Variants in GDPD4 observed in about 807,000 individuals in gnomAD.
The protein encoded by GDPD4 is glycerophosphodiester phosphodiesterase domain containing 4, also known as glycerophosphodiester phosphodiesterase 6.
Under a neutral mutation model 67.8 loss-of-function variants are expected in GDPD4, and 60 were observed. The observed-to-expected ratio is 0.88, with a 90% confidence interval of 0.72 to 1.10. GDPD4 has a LOEUF of 1.10. GDPD4 is among the 50% of genes least tolerant of loss of function. GDPD4 has a pLI of 0.00. For missense variants in GDPD4, 623 were observed against 613.9 expected, an observed-to-expected ratio of 1.01 and a Z score of -0.16; for synonymous variants, 212 against 210.9, an observed-to-expected ratio of 1.00 and a Z score of -0.04.
chr11:77,266,300 T>C lies in GDPD4; in HGVS notation c.707+2157A>G, dbSNP rs537284322. Among the ~76,000 whole-genome samples, 247 of 152,288 alleles carry C rather than the reference T, an allele frequency of 1.6e-3. 1 individual carries two copies. Among genetic ancestry groups the C allele is most frequent in the Non-Finnish European group, 1.8e-3 (122 of 68,016 alleles). On this transcript the variant is annotated intron_variant, in intron 10 of 16. Transcript: ENST00000315938. ...GATTATAATGGAGCTGAAAATTTCCTATCACCTAGTGACTTCGTAGCCGTA... is the reference window on the plus strand; with the variant it reads ...GATTATAATGGAGCTGAAAATTTCCCATCACCTAGTGACTTCGTAGCCGTA...
chr11:77,229,315 C>A, intron 14 of GDPD4, 83 bp from the exon 15 acceptor site: 1 of 784,746 alleles, frequency 1.3e-6, no homozygotes, highest in East Asian at 2.6e-5. Flanking sequence ...TGCTCTGCTG[C>A]CAGGGCTGGA....
intron 1 of GDPD4, among the ~76,000 whole-genome samples, chr11:77,298,786 G>A (rs1359651776): frequency 1.3e-5 from 2 of 151,984 alleles, no homozygotes; most frequent in African/African-American, 2.4e-5. Context: ...ACAGCTTTGA[G>A]GGCCATTTCA....
At chr11:77,225,804 G>GCACT (rs1958323709) in intron 16 of GDPD4, among the ~76,000 whole-genome samples, 2 of 152,158 alleles carry the variant, frequency 1.3e-5, no homozygotes, top group South Asian at 4.1e-4. Flanking sequence ...GCAACACATG[G>GCACT]CACTCCGTAT....
chr11:77,220,612 T>C (rs1434107565), intron 16 of GDPD4, among the ~76,000 whole-genome samples: 2 of 152,192 alleles, frequency 1.3e-5, no homozygotes, highest in South Asian at 2.1e-4. Flanking sequence ...TTTGCCAGTA[T>C]TTTATTGAGG....
At chr11:77,276,914 T>C (rs933537398) in intron 4 of GDPD4, among the ~76,000 whole-genome samples, 3 of 152,004 alleles carry the variant, frequency 2.0e-5, no homozygotes, top group African/African-American at 7.2e-5. Flanking sequence ...TCATTCTTAT[T>C]TGAAAAAAAA....
chr11:77,262,639 C>G (rs916946613), intron 10 of GDPD4, among the ~76,000 whole-genome samples: 8 of 151,924 alleles, frequency 5.3e-5, no homozygotes, highest in African/African-American at 1.7e-4. Flanking sequence ...GTTTGAGGAC[C>G]CCCACAGAGG....
chr11:77,243,453 C>T (rs1029750990), intron 13 of GDPD4, among the ~76,000 whole-genome samples: 17 of 138,664 alleles, frequency 1.2e-4, no homozygotes, highest in African/African-American at 3.8e-4. Flanking sequence ...GATTAGAGTA[C>T]ACAGCAGAGG....
chr11:77,248,205 CTTTT>C (rs974874400), intron 11 of GDPD4, among the ~76,000 whole-genome samples: 1 of 140,854 alleles, frequency 7.1e-6, no homozygotes, highest in Admixed American at 7.1e-5. Flanking sequence ...ATTTTCTTTT[CTTTT>C]TTTTTTTTTT....
At chr11:77,267,701 ATCCTAGACACAAG>A (rs1959184650) in intron 10 of GDPD4, among the ~76,000 whole-genome samples, 1 of 152,216 alleles carries the variant, frequency 6.6e-6, no homozygotes, top group Admixed American at 6.5e-5. Flanking sequence ...AAGTTTATAT[ATCCTAGACACAAG>A]TCTTTTGCCA....
intron 3 of GDPD4, among the ~76,000 whole-genome samples, chr11:77,283,673 T>C (rs1959859251): frequency 6.6e-6 from 1 of 151,862 alleles, no homozygotes. Flanking sequence ...GAAAATAAAT[T>C]TTAAAAGAAA....
intron 13 of GDPD4, among the ~76,000 whole-genome samples, chr11:77,239,497 T>C (rs1045607657): frequency 6.6e-5 from 10 of 152,200 alleles, no homozygotes; most frequent in African/African-American, 2.4e-4. Flanking sequence ...AGTTGCAGGA[T>C]ACAAAATCAA....
rs750581350 is a variant in GDPD4 at position 77,245,267 on chromosome 11, T to C, written c.1086+14A>G. ...ACCTCCCAACCTATGTCATAAATAC[T>C]GAGATAGACTTACCAGATGTTGCTC... On this transcript the variant is annotated intron_variant, in intron 12 of 16. Transcript: ENST00000315938. 1 of 1,603,092 alleles carries C rather than the reference T, an allele frequency of 6.2e-7. No individual in the cohort carries two copies. The highest frequency in any genetic ancestry group is 1.7e-5 in the Admixed American group (1 of 60,002).
intron 13 of GDPD4, among the ~76,000 whole-genome samples, chr11:77,235,009 G>GTTTTTTTTTATTTTTTTTTTTTTTTTTTT (rs1958525306): frequency 1.9e-5 from 1 of 52,254 alleles, no homozygotes. Context: ...GTCAATATCT[G>GTTTTTTTTTATTTTTTTTTTTTTTTTTTT]TTTTTTTTTT....
intron 13 of GDPD4, among the ~76,000 whole-genome samples, chr11:77,234,846 C>A (rs1958520359): frequency 6.6e-6 from 1 of 151,950 alleles, no homozygotes; most frequent in Non-Finnish European, 1.5e-5. Flanking sequence ...AATTTATTTT[C>A]CTTTGGGTAG....
At chr11:77,268,412 G>A (rs1959188742) in intron 10 of GDPD4, 45 bp downstream of exon 10, 1 of 1,349,784 alleles carries the variant, frequency 7.4e-7, no homozygotes, top group Admixed American at 1.7e-5. Flanking sequence ...GCATGGCATT[G>A]AACTTATACC....
chr11:77,232,807 A>G (rs1958477700), intron 14 of GDPD4, among the ~76,000 whole-genome samples: 1 of 152,254 alleles, frequency 6.6e-6, no homozygotes, highest in South Asian at 2.1e-4. Context: ...AGCACATTGT[A>G]AGGATTCAAT....
At chr11:77,250,761 C>A (rs1165654076) in intron 11 of GDPD4, among the ~76,000 whole-genome samples, 1 of 152,142 alleles carries the variant, frequency 6.6e-6, no homozygotes, top group Non-Finnish European at 1.5e-5. Flanking sequence ...GTTAAAGTCA[C>A]CAACATTTAC....
chr11:77,281,940 G>C (rs1357097958), intron 3 of GDPD4, among the ~76,000 whole-genome samples: 3 of 152,050 alleles, frequency 2.0e-5, no homozygotes, highest in Non-Finnish European at 4.4e-5. Context: ...AAAGATTCTA[G>C]ATGAAAGATC....
chr11:77,276,251 T>C lies in GDPD4; in HGVS notation c.148-31A>G, dbSNP rs759277235. 6.3e-6 allele frequency: 10 copies of C among 1,589,898 alleles called. No homozygotes were observed. In the East Asian group the frequency reaches 2.2e-4, roughly 36 times the overall value. On this transcript the variant is annotated intron_variant, in intron 4 of 16. Transcript: ENST00000315938. Reference sequence around the variant, plus strand: ...AAAGCAAAGAAGAAAAAGAGAGTTATTTTGAAATCACCAAGTTGCCACCCA... The same window carrying C: ...AAAGCAAAGAAGAAAAAGAGAGTTACTTTGAAATCACCAAGTTGCCACCCA...
Sources: gnomAD v4.1 joint callset for allele counts (sites outside exome capture counted in the v4.1 genomes callset) on GRCh38, gnomAD v4.1.1 for gene constraint, MANE v1.5 for transcripts, NCBI Gene and HGNC (gene_info 2026-07-23, HGNC 2026-07-21) for gene names.